RYR2: variants seen among roughly 807,000 people sequenced by gnomAD.
The protein encoded by RYR2 is cardiac muscle ryanodine receptor-calcium release channel.
RYR2 carries 227 observed loss-of-function variants against 601.1 expected under a neutral mutation model. That is an observed-to-expected ratio of 0.38 (90% confidence interval 0.34 to 0.42). The LOEUF is 0.42. Among genes scored for constraint, RYR2 ranks in the 10% least tolerant of loss-of-function variants. The pLI is 1.00. For synonymous variants in RYR2, 2,223 were observed against 2,175.1 expected (o/e 1.02, Z -0.61); for missense variants, 4,646 against 6,156.5 (o/e 0.75, Z 8.21).
intron 27 of RYR2, among the ~76,000 whole-genome samples, chr1:237,562,126 A>G (rs1671519564): frequency 6.6e-6 from 1 of 152,208 alleles, no homozygotes; most frequent in African/African-American, 2.4e-5. Context: ...TCCAGATAAA[A>G]CATGAACTCT....
chr1:237,128,753 C>T (rs1009345057), intron 1 of RYR2, among the ~76,000 whole-genome samples: 2 of 152,166 alleles, frequency 1.3e-5, no homozygotes, highest in Non-Finnish European at 1.5e-5. Flanking sequence ...AGAACTGCTG[C>T]AGCTGCAGAG....
Position 237,718,589 on chromosome 1 carries a change from T to C in RYR2, c.10554+68T>C, listed in dbSNP as rs1573655153. The C allele has an allele frequency of 5.4e-6, 4 of 747,500 alleles. No homozygotes were observed. The East Asian group carries it at 1.1e-4, about 21-fold the overall frequency. 46.3% of individuals were successfully genotyped at this position (747,500 alleles called of 1,614,324 possible). A position where few individuals can be genotyped will look rare whatever the true frequency, so the allele number is the denominator to read the frequency against. ...ATTAGTTAATCTCTCTTTAAAATAA[T>C]ACTATAAATAATGTTACTTTAAACA... On this transcript the variant is annotated intron_variant, in intron 73 of 104. Coordinates refer to ENST00000366574, the MANE Select transcript of RYR2 (RefSeq NM_001035.3).
intron 1 of RYR2, among the ~76,000 whole-genome samples, chr1:237,255,590 C>T (rs140867760): frequency 1.1e-3 from 174 of 152,204 alleles, no homozygotes; most frequent in African/African-American, 4.0e-3. Flanking sequence ...GTATAGTTTG[C>T]CATCACTACA....
At chr1:237,247,452 AG>A (rs1686970959) in intron 1 of RYR2, among the ~76,000 whole-genome samples, 1 of 152,192 alleles carries the variant, frequency 6.6e-6, no homozygotes, top group Non-Finnish European at 1.5e-5. Context: ...CAGTAACTAT[AG>A]GGCGAAGAAG....
rs10667874 is a variant in RYR2 at position 237,833,534 on chromosome 1, G to GAAAC, written c.*890_*893dup. On this transcript the variant is annotated 3_prime_UTR_variant, in exon 105 of 105. Transcript: ENST00000366574. ...TTTAAATGAACAAAGAAAACCTTCA[G>GAAAC]AAACAAGTTGATCAACGTGAGAGAA... The GAAAC allele has an allele frequency of 0.28, 42,286 of 152,178 alleles. 7,402 individuals carry two copies. The highest frequency in any genetic ancestry group is 0.5 in the African/African-American group (20,792 of 41,220). The allele number at this position is 152,178 out of a possible 1,614,324, so 9.4% of individuals were successfully genotyped here.
chr1:237,305,370 C>A (rs1403498918), intron 2 of RYR2, among the ~76,000 whole-genome samples: 1 of 152,134 alleles, frequency 6.6e-6, no homozygotes, highest in Admixed American at 6.5e-5. Flanking sequence ...AAAAGAATTA[C>A]AGAAGAATAT....
chr1:237,051,711 C>T (rs370227693), intron 1 of RYR2, among the ~76,000 whole-genome samples: 4 of 152,104 alleles, frequency 2.6e-5, no homozygotes, highest in African/African-American at 9.7e-5. Context: ...TGTATTTTCT[C>T]ATGAAATCCC....
chr1:237,703,606 T>C (rs994599180), intron 66 of RYR2, among the ~76,000 whole-genome samples: 5 of 147,776 alleles, frequency 3.4e-5, no homozygotes, highest in African/African-American at 1.2e-4. Flanking sequence ...ACATAAAACA[T>C]ATATATATAT....
At chr1:237,096,796 T>C (rs541491666) in intron 1 of RYR2, among the ~76,000 whole-genome samples, 54 of 152,242 alleles carry the variant, frequency 3.5e-4, no homozygotes, top group Admixed American at 7.9e-4. Context: ...GAACCTGTTT[T>C]CTATGACATA....
intron 29 of RYR2, among the ~76,000 whole-genome samples, chr1:237,587,661 G>A (rs1254016696): frequency 6.6e-6 from 1 of 152,142 alleles, no homozygotes; most frequent in Non-Finnish European, 1.5e-5. Context: ...TATCAAAACA[G>A]TATTCTAGAA....
rs1553264972 is a variant in RYR2, at chr1:237,641,481, C to CTTTCTTTCTTTCTT, written c.7221+481_7221+494dup. On this transcript the variant is annotated intron_variant, in intron 47 of 104. Coordinates refer to ENST00000366574, the MANE Select transcript of RYR2 (RefSeq NM_001035.3). ...AATTAGTGTCTGTCTGTCTTTCTTT[C>CTTTCTTTCTTTCTT]TTTCTTTCTTTCTTTCTTTCTTTCT... Among the ~76,000 whole-genome samples the CTTTCTTTCTTTCTT allele has an allele frequency of 4.8e-3, 201 of 41,552 alleles. 2 individuals carry two copies. The highest frequency in any genetic ancestry group is 9.3e-3 in the Non-Finnish European group (120 of 12,836). The allele number at this position is 41,552 out of a possible 152,430, so 27.3% of individuals were successfully genotyped here.
At chr1:237,255,303 G>A (rs908428165) in intron 1 of RYR2, among the ~76,000 whole-genome samples, 3 of 152,124 alleles carry the variant, frequency 2.0e-5, no homozygotes, top group African/African-American at 7.2e-5. Flanking sequence ...AGTCTTTTTA[G>A]ATCTGATATT....
At chr1:237,588,952 C>A (rs185523216) in intron 29 of RYR2, among the ~76,000 whole-genome samples, 1 of 152,066 alleles carries the variant, frequency 6.6e-6, no homozygotes, top group Non-Finnish European at 1.5e-5. Context: ...CCAATCAATT[C>A]CAAAGAGCTC....
intron 35 of RYR2, among the ~76,000 whole-genome samples, chr1:237,602,841 T>C (rs1676659952): frequency 6.6e-6 from 1 of 152,140 alleles, no homozygotes; most frequent in Non-Finnish European, 1.5e-5. Flanking sequence ...GAAACTTGTT[T>C]TGGAAAAATA....
intron 1 of RYR2, chr1:237,121,036 GTGTGTGTGTGTGTGTGCACA>G (rs1558270400): frequency 2.6e-5 from 4 of 151,670 alleles, no homozygotes; most frequent in African/African-American, 9.7e-5. Flanking sequence ...AATGCTGTGT[GTGTGTGTGTGTGTGTGCACA>G]TGTGTGTGTG....
At chr1:237,241,186 T>A (rs1385728286) in intron 1 of RYR2, among the ~76,000 whole-genome samples, 1 of 152,216 alleles carries the variant, frequency 6.6e-6, no homozygotes, top group Non-Finnish European at 1.5e-5. Context: ...GATCAGTTGG[T>A]CATACTGTAC....
In RYR2 at chr1:237,222,008, C is replaced by T. The variant is rs1291181276; in HGVS notation, c.49-48489C>T. Reference sequence around the variant, plus strand: ...ATGATGTGGGAGGTTTGTGAATAACCGTTGGCAGGTCCTATGAAGAGGAGG... The same window carrying T: ...ATGATGTGGGAGGTTTGTGAATAACTGTTGGCAGGTCCTATGAAGAGGAGG... On this transcript the variant is annotated intron_variant, in intron 1 of 104. Transcript: ENST00000366574. 2.0e-5 allele frequency among the ~76,000 whole-genome samples: 3 copies of T among 152,122 alleles called. No homozygotes were observed. The South Asian group carries it at 6.2e-4, about 32-fold the overall frequency.
intron 1 of RYR2, among the ~76,000 whole-genome samples, chr1:237,153,893 G>A (rs1275789714): frequency 6.6e-6 from 1 of 152,126 alleles, no homozygotes; most frequent in Non-Finnish European, 1.5e-5. Flanking sequence ...TTCTGAAAAG[G>A]TAGATTTTAT....
intron 29 of RYR2, among the ~76,000 whole-genome samples, chr1:237,573,584 T>C (rs1221583141): frequency 1.3e-5 from 2 of 149,352 alleles, no homozygotes; most frequent in East Asian, 4.2e-4. Flanking sequence ...CAGAACTAGA[T>C]GGCGGATCAC....
Sources: gnomAD v4.1 joint callset for allele counts (sites outside exome capture counted in the v4.1 genomes callset) on GRCh38, gnomAD v4.1.1 for gene constraint, MANE v1.5 for transcripts, NCBI Gene and HGNC (gene_info 2026-07-23, HGNC 2026-07-21) for gene names.